Variants in ASH1L observed in about 807,000 individuals in gnomAD.
ASH1L encodes histone-lysine N-methyltransferase ASH1L.
In ASH1L, 23 loss-of-function variants were observed where a neutral mutation model predicts 269.0. The ratio of observed to expected loss-of-function variants is 0.09; its 90% CI spans 0.06 to 0.12. The LOEUF (loss-of-function observed/expected upper bound fraction) is 0.12, where lower values mean the gene tolerates loss of function less well. Ranked by LOEUF, ASH1L falls within the 10% of genes least tolerant of loss-of-function variation. The pLI is 1.00. For synonymous variants in ASH1L, 1,187 were observed against 1,253.5 expected (o/e 0.95, Z 1.12); for missense variants, 2,912 against 3,567.8 (o/e 0.82, Z 4.68).
At chr1:155,350,543 C>A (rs1653805193) in intron 17 of ASH1L, among the ~76,000 whole-genome samples, 1 of 152,116 alleles carries the variant, frequency 6.6e-6, no homozygotes, top group Admixed American at 6.5e-5. Flanking sequence ...CAAATTACTA[C>A]TCAACAAATC....
At chr1:155,483,592 A>T (rs1666103801) in intron 2 of ASH1L, among the ~76,000 whole-genome samples, 1 of 151,480 alleles carries the variant, frequency 6.6e-6, no homozygotes, top group Non-Finnish European at 1.5e-5. Context: ...AACTAGAAAA[A>T]TTCCATATGC....
chr1:155,454,134 A>G (rs1262826155), intron 4 of ASH1L, among the ~76,000 whole-genome samples: 2 of 152,178 alleles, frequency 1.3e-5, no homozygotes, highest in Non-Finnish European at 2.9e-5. Context: ...CATTTACTCA[A>G]AAACTAATTC....
Position 155,521,051 on chromosome 1 carries a change from G to A in ASH1L, c.420+49C>T, listed in dbSNP as rs72995143. The stretch of plus-strand genomic sequence containing the variant: ...CATATATAGGATAAAAATTAATAGG[G>A]AAATGAAAATATTGTCAATAACCAC... On this transcript the variant is annotated intron_variant, in intron 2 of 27. Transcript: ENST00000392403. 772 of 1,495,042 alleles carry A rather than the reference G, an allele frequency of 5.2e-4. 2 individuals carry two copies. The African/African-American group carries it at 9.9e-3, about 19-fold the overall frequency. The allele number at this position is 1,495,042 out of a possible 1,614,324, so 92.6% of individuals were successfully genotyped here. A position where few individuals can be genotyped will look rare whatever the true frequency, so the allele number is the denominator to read the frequency against.
chr1:155,341,849 G>T, intron 25 of ASH1L, 87 bp downstream of exon 25: 2 of 1,386,776 alleles, frequency 1.4e-6, no homozygotes, highest in Non-Finnish European at 2.0e-6. Flanking sequence ...AAGAAGCAGA[G>T]AACTACGTGA....
chr1:155,363,964 C>T (rs936457126), intron 12 of ASH1L, among the ~76,000 whole-genome samples: 2 of 151,190 alleles, frequency 1.3e-5, no homozygotes, highest in Non-Finnish European at 2.9e-5. Flanking sequence ...CAGAGCAAGA[C>T]TCTGTCTCAA....
rs573104621 is a variant in ASH1L at position 155,368,745 on chromosome 1, G to A, written c.6686+1759C>T. On this transcript the variant is annotated intron_variant, in intron 12 of 27. Transcript: ENST00000392403. ...GCTGGGATTATAGGCGTGAGCCACT[G>A]TGCCCGGCTGGAATGTTTTTCAAAG... 2.6e-5 allele frequency among the ~76,000 whole-genome samples: 4 copies of A among 152,290 alleles called. No individual in the cohort carries two copies. The South Asian group carries it at 8.3e-4, about 32-fold the overall frequency.
At chr1:155,406,123 AAAC>A (rs1156818043) in intron 6 of ASH1L, among the ~76,000 whole-genome samples, 2 of 150,964 alleles carry the variant, frequency 1.3e-5, no homozygotes, top group Non-Finnish European at 3.0e-5. Flanking sequence ...AGAATTGCTT[AAAC>A]CCAGGGGGCG....
At chr1:155,441,190 T>G (rs1262596710) in intron 4 of ASH1L, among the ~76,000 whole-genome samples, 1 of 152,178 alleles carries the variant, frequency 6.6e-6, no homozygotes, top group Non-Finnish European at 1.5e-5. Flanking sequence ...TGTAGTCTAG[T>G]CCCTCTCTGC....
In ASH1L at chr1:155,540,944, T is replaced by C. The variant is rs939432256; in HGVS notation, c.-99-19326A>G. Reference sequence around the variant, plus strand: ...CTTTCCATATGACTACTTCTCTTCCTTTCCATCTTAGTTTAAAAGTCATTC... The same window carrying C: ...CTTTCCATATGACTACTTCTCTTCCCTTCCATCTTAGTTTAAAAGTCATTC... On this transcript the variant is annotated intron_variant, in intron 1 of 27. Coordinates refer to ENST00000392403, the MANE Select transcript of ASH1L (RefSeq NM_018489.3). Among the ~76,000 whole-genome samples the C allele has an allele frequency of 5.9e-5, 9 of 152,130 alleles. 1 individual carries two copies. The highest frequency in any genetic ancestry group is 2.2e-4 in the African/African-American group (9 of 41,422).
In ASH1L at chr1:155,477,869, CAAAAT is replaced by C. The variant is rs1211471690; in HGVS notation, c.4984+12_4984+16del. ...TATTTCTTTAACAAATAACAGGTAA[CAAAAT>C]AACCCTCTTACCTGCCAAAGTCTGT... is the stretch of plus-strand genomic sequence containing the variant. On this transcript the variant is annotated intron_variant, in intron 3 of 27. Coordinates refer to ENST00000392403, the MANE Select transcript of ASH1L (RefSeq NM_018489.3). 1 of 1,557,618 alleles carries C rather than the reference CAAAAT, an allele frequency of 6.4e-7. No homozygotes were observed.
At chr1:155,443,014 A>T (rs999587886) in intron 4 of ASH1L, among the ~76,000 whole-genome samples, 3 of 152,158 alleles carry the variant, frequency 2.0e-5, no homozygotes, top group Non-Finnish European at 4.4e-5. Flanking sequence ...TCACACTTCA[A>T]ATTAGTGGTT....
At chr1:155,553,355 AC>A (rs1671345485) in intron 1 of ASH1L, among the ~76,000 whole-genome samples, 1 of 152,216 alleles carries the variant, frequency 6.6e-6, no homozygotes, top group Non-Finnish European at 1.5e-5. Context: ...GCTAGAAATT[AC>A]TTTTATAACA....
intron 2 of ASH1L, among the ~76,000 whole-genome samples, chr1:155,520,550 T>C (rs1668815095): frequency 6.6e-6 from 1 of 151,982 alleles, no homozygotes; most frequent in African/African-American, 2.4e-5. Context: ...CCCAGCACTT[T>C]GGAGTTTTGC....
intron 1 of ASH1L, among the ~76,000 whole-genome samples, chr1:155,538,842 T>C (rs1321727608): frequency 1.3e-5 from 2 of 152,214 alleles, no homozygotes; most frequent in East Asian, 1.9e-4. Context: ...TAATTTATTA[T>C]ACTACTTAAG....
rs1558008986 is a variant in ASH1L, at chr1:155,338,192, T to C, written c.8700A>G (p.Gln2900=). Residue 2900 remains glutamine (Q), a synonymous_variant, in exon 27 of 28, where the codon CAA becomes CAG. Transcript: ENST00000392403. The part of the protein sequence containing the change: ...EGEKKTEESS[Q]EPQSTCTPEE... ...CAGGGGTACAGGTTGACTGGGGTTC[T>C]TGACTACTTTCCTCTGTTTTTTTTT... 6.2e-7 allele frequency: 1 copy of C among 1,614,190 alleles called. No individual in the cohort carries two copies. Among genetic ancestry groups the C allele is most frequent in the East Asian group, 2.2e-5 (1 of 44,888 alleles).
At chr1:155,504,559 G>A (rs183778153) in intron 2 of ASH1L, among the ~76,000 whole-genome samples, 1 of 152,016 alleles carries the variant, frequency 6.6e-6, no homozygotes, top group East Asian at 1.9e-4. Flanking sequence ...ATCTGACTTT[G>A]TTAGTATTTA....
intron 21 of ASH1L, among the ~76,000 whole-genome samples, chr1:155,345,181 T>TG (rs2148327996): frequency 7.4e-6 from 1 of 135,674 alleles, no homozygotes; most frequent in Admixed American, 7.5e-5. Flanking sequence ...GGTCTTTTTT[T>TG]TTTTTTTTTT....
At chr1:155,400,047 C>T (rs973593754) in intron 6 of ASH1L, among the ~76,000 whole-genome samples, 12 of 152,138 alleles carry the variant, frequency 7.9e-5, no homozygotes, top group Admixed American at 2.0e-4. Flanking sequence ...TAGGGAATAA[C>T]GACCCCAATG....
At chr1:155,449,525 T>TG (rs1400155464) in intron 4 of ASH1L, among the ~76,000 whole-genome samples, 3 of 151,246 alleles carry the variant, frequency 2.0e-5, no homozygotes, top group Admixed American at 6.6e-5. Context: ...TGTGGTTGTT[T>TG]TTTTTTTTTT....
Sources: gnomAD v4.1 joint callset for allele counts (sites outside exome capture counted in the v4.1 genomes callset) on GRCh38, gnomAD v4.1.1 for gene constraint, MANE v1.5 for transcripts, NCBI Gene and HGNC (gene_info 2026-07-23, HGNC 2026-07-21) for gene names.